Variants in TTC27 observed in about 807,000 individuals in gnomAD.
The protein encoded by TTC27 is tetratricopeptide repeat domain 27.
In TTC27, 79 loss-of-function variants were observed where a neutral mutation model predicts 115.9. The observed-to-expected ratio is 0.68, with a 90% CI of 0.57 to 0.82. The LOEUF (loss-of-function observed/expected upper bound fraction) is 0.82. Among genes scored for constraint, TTC27 ranks in the 40% least tolerant of loss-of-function variants. TTC27 has a pLI of 0.00. For synonymous variants in TTC27, 401 were observed against 356.0 expected (o/e 1.13, Z -1.42); for missense variants, 1,054 against 993.1 (o/e 1.06, Z -0.82).
chr2:32,706,075 CTCTTTTTTTTTT>C (rs1667356259), intron 10 of TTC27, among the ~76,000 whole-genome samples: 2 of 83,050 alleles, frequency 2.4e-5, no homozygotes, highest in East Asian at 3.5e-4. Context: ...ATTTACCTTA[CTCTTTTTTTTTT>C]TTTTTTTTTT....
intron 10 of TTC27, among the ~76,000 whole-genome samples, chr2:32,732,649 T>C (rs1572558847): frequency 1.3e-5 from 2 of 152,150 alleles, no homozygotes; most frequent in Non-Finnish European, 2.9e-5. Context: ...TTAAACAGTT[T>C]CCAAGTTACC....
In TTC27 at chr2:32,782,616, A is replaced by C; in HGVS notation, c.1780-10A>C. ...GAAGAGTTAATTAACTGTGTTCTCT[A>C]TCATTTCAGAATGCTGAAGCTTGGA... On this transcript the variant is annotated splice_polypyrimidine_tract_variant and intron_variant, in intron 14 of 19. Transcript: ENST00000317907. 1.2e-6 allele frequency: 2 copies of C among 1,611,070 alleles called. No homozygotes were observed. Among genetic ancestry groups the C allele is most frequent in the Non-Finnish European group, 1.7e-6 (2 of 1,178,128 alleles).
intron 10 of TTC27, among the ~76,000 whole-genome samples, chr2:32,704,573 G>A (rs111641064): frequency 1.6e-3 from 239 of 152,196 alleles, no homozygotes; most frequent in African/African-American, 5.5e-3. Context: ...AGCCTTCACC[G>A]TGAGATCTCG....
At chr2:32,677,660 A>C (rs1666263026) in intron 8 of TTC27, among the ~76,000 whole-genome samples, 1 of 152,004 alleles carries the variant, frequency 6.6e-6, no homozygotes, top group Non-Finnish European at 1.5e-5. Flanking sequence ...CATGTTGGCC[A>C]GGATGGTCTC....
intron 19 of TTC27, among the ~76,000 whole-genome samples, chr2:32,819,859 C>T (rs1423623075): frequency 1.3e-5 from 2 of 152,210 alleles, no homozygotes; most frequent in Non-Finnish European, 2.9e-5. Context: ...GCCTCAGTTT[C>T]TCCGTGCTTC....
chr2:32,704,922 G>A (rs866870069), intron 10 of TTC27: 1 of 471,002 alleles, frequency 2.1e-6, no homozygotes, highest in Middle Eastern at 3.3e-4. Flanking sequence ...CAGTAAGCTT[G>A]TGTTTGTGAG....
At chr2:32,682,152 T>A (rs928001334) in intron 9 of TTC27, among the ~76,000 whole-genome samples, 1 of 152,038 alleles carries the variant, frequency 6.6e-6, no homozygotes, top group African/African-American at 2.4e-5. Context: ...AATAAATGCA[T>A]GCAGAATAAG....
At chr2:32,668,896 A>G (rs1003409567) in intron 7 of TTC27, among the ~76,000 whole-genome samples, 1 of 151,830 alleles carries the variant, frequency 6.6e-6, no homozygotes, top group Non-Finnish European at 1.5e-5. Flanking sequence ...TGGCTAACAC[A>G]GTGAAACCCC....
chr2:32,671,095 T>C (rs1477579222), intron 7 of TTC27, among the ~76,000 whole-genome samples: 1 of 152,176 alleles, frequency 6.6e-6, no homozygotes, highest in African/African-American at 2.4e-5. Flanking sequence ...TTTGATGAAG[T>C]CTAATTTATG....
At position 32,758,524 on chromosome 2, in the gene TTC27, G is replaced by A. The variant is rs1558328750; in HGVS notation, c.1680+5G>A. On this transcript the variant is annotated splice_donor_5th_base_variant and intron_variant, in intron 13 of 19. Coordinates refer to ENST00000317907, the MANE Select transcript of TTC27 (RefSeq NM_017735.5). ...GTTAAGATTAATCCCATGCAGGTTA[G>A]ACAACTCATAACCCCCTGCTGCTCT... 6.2e-7 allele frequency: 1 copy of A among 1,613,350 alleles called. No individual in the cohort carries two copies. The highest frequency in any genetic ancestry group is 2.2e-5 in the East Asian group (1 of 44,868).
At chr2:32,638,087 G>T (rs886690336) in intron 3 of TTC27, among the ~76,000 whole-genome samples, 4 of 152,186 alleles carry the variant, frequency 2.6e-5, no homozygotes, top group Admixed American at 2.6e-4. Context: ...TACCAGCGTG[G>T]GCTGGTTTGG....
chr2:32,635,781 G>A (rs771242991), intron 3 of TTC27, among the ~76,000 whole-genome samples: 11 of 152,114 alleles, frequency 7.2e-5, no homozygotes, highest in Non-Finnish European at 1.6e-4. Context: ...GGTAGAAAGA[G>A]AAGAAGTGCA....
intron 3 of TTC27, 67 bp from the exon 4 acceptor site, chr2:32,640,203 T>C (rs1266558147): frequency 7.0e-7 from 1 of 1,431,350 alleles, no homozygotes; most frequent in African/African-American, 1.4e-5. Flanking sequence ...CTTTGTATTA[T>C]TACAAGACAT....
intron 4 of TTC27, among the ~76,000 whole-genome samples, chr2:32,644,291 G>A (rs544254366): frequency 6.6e-6 from 1 of 151,326 alleles, no homozygotes; most frequent in East Asian, 2.0e-4. Context: ...GGTGGAGGTT[G>A]CAGTGAGCCA....
chr2:32,670,958 T>C (rs1366484081), intron 7 of TTC27, among the ~76,000 whole-genome samples: 2 of 104,780 alleles, frequency 1.9e-5, no homozygotes, highest in African/African-American at 5.3e-5. Flanking sequence ...TGTCTTCTTA[T>C]TGAGTTCTAA....
chr2:32,787,697 A>T (rs1670396032), intron 16 of TTC27, among the ~76,000 whole-genome samples: 1 of 152,136 alleles, frequency 6.6e-6, no homozygotes, highest in African/African-American at 2.4e-5. Context: ...AATAAAAAAG[A>T]CCATTTTGGT....
At chr2:32,668,544 C>CCCTT (rs1665878733) in intron 7 of TTC27, among the ~76,000 whole-genome samples, 2 of 33,936 alleles carry the variant, frequency 5.9e-5, no homozygotes, top group Non-Finnish European at 1.1e-4. Flanking sequence ...CTTCCTCCCT[C>CCCTT]CCTCCCTCCC....
At chr2:32,686,661 G>A (rs1480412503) in intron 9 of TTC27, among the ~76,000 whole-genome samples, 2 of 151,628 alleles carry the variant, frequency 1.3e-5, no homozygotes, top group Non-Finnish European at 2.9e-5. Context: ...ACGCCCGGCT[G>A]CTTCTGTAGT....
chr2:32,711,256 G>A (rs1667570047), intron 10 of TTC27, among the ~76,000 whole-genome samples: 2 of 152,104 alleles, frequency 1.3e-5, no homozygotes, highest in Non-Finnish European at 2.9e-5. Flanking sequence ...ATTATCAAGA[G>A]AGTTGCGTAG....
Sources: allele counts gnomAD v4.1 joint callset (sites outside exome capture counted in the v4.1 genomes callset), GRCh38; gene constraint gnomAD v4.1.1; transcripts MANE v1.5; gene names NCBI Gene and HGNC (gene_info 2026-07-23, HGNC 2026-07-21).